The following ITPRID2 variants were observed in gnomAD, a reference collection of about 807,000 sequenced individuals.
ITPRID2 encodes the protein protein ITPRID2.
ITPRID2 carries 60 observed loss-of-function variants against 124.3 expected under a neutral mutation model. The observed-to-expected ratio is 0.48, with a 90% confidence interval of 0.39 to 0.60. The LOEUF (loss-of-function observed/expected upper bound fraction) is 0.60, where lower values mean the gene tolerates loss of function less well. Ranked by LOEUF, ITPRID2 falls within the 20% of genes least tolerant of loss-of-function variation. ITPRID2 has a pLI of 0.00. For missense variants in ITPRID2, 1,553 were observed against 1,512.2 expected (o/e 1.03, Z -0.45); for synonymous variants, 521 against 542.9 (o/e 0.96, Z 0.56).
intron 11 of ITPRID2, chr2:181,918,245 G>A (rs1694225529): frequency 9.1e-6 from 9 of 985,378 alleles, no homozygotes; most frequent in Non-Finnish European, 1.1e-5. Flanking sequence ...CTCCAGCAAA[G>A]TTAATAATCA....
chr2:181,916,291 C>T lies in ITPRID2; in HGVS notation c.2651C>T (p.Pro884Leu), dbSNP rs1006854138. The T allele has an allele frequency of 8.7e-6, 14 of 1,614,088 alleles. No homozygotes were observed. Among genetic ancestry groups the T allele is most frequent in the Admixed American group, 1.7e-5 (1 of 60,002 alleles). Residue 884 changes from proline to leucine, a missense_variant, in exon 11 of 18, where the codon CCT (proline) becomes CTT (leucine). Pro to Leu is a moderately conservative substitution (Grantham distance 98). Coordinates refer to ENST00000431877, the MANE Select transcript of ITPRID2 (RefSeq NM_001130445.3). ...SGATCSAFAS[P>L]FGCPYSHRHA... ...GCTACTTGTAGTGCCTTCGCTTCCC[C>T]TTTCGGGTGTCCTTACTCACATAGA...
In ITPRID2 at chr2:181,891,893, C is replaced by T. The variant is rs1220207782; in HGVS notation, c.-174C>T. The T allele has an allele frequency of 5.2e-6, 2 of 382,608 alleles. No homozygotes were observed. Among genetic ancestry groups the T allele is most frequent in the South Asian group, 2.3e-5 (1 of 43,652 alleles). 23.7% of individuals were successfully genotyped at this position (382,608 alleles called of 1,614,324 possible). ...GCCGGCCCTCCGCCCCTTCCCTCCC[C>T]TTCCTTCCCTCCCTCCCTCCCTGTC... On this transcript the variant is annotated 5_prime_UTR_variant, in exon 1 of 18. Coordinates refer to ENST00000431877, the MANE Select transcript of ITPRID2 (RefSeq NM_001130445.3).
intron 2 of ITPRID2, chr2:181,893,519 C>T (rs1232879317): frequency 6.6e-6 from 1 of 152,038 alleles, no homozygotes; most frequent in Non-Finnish European, 1.5e-5. Context: ...CAGTTTGCCT[C>T]CTCTAAAGAC....
chr2:181,922,026 C>T lies in ITPRID2; in HGVS notation c.3289C>T (p.Pro1097Ser). The change falls in exon 16 of 18, where the codon CCT (proline) becomes TCT (serine). Residue 1097 changes from proline to serine, a missense_variant. Transcript: ENST00000431877. ...LGLGEMGFEIPPGESSESVFS... is the reference protein window; with the variant it reads ...LGLGEMGFEISPGESSESVFS... ...ACTTGGAGAAATGGGATTTGAAATT[C>T]CTCCTGGAGAAAGCTCAGAATCTGT... 1 of 1,614,170 alleles carries T rather than the reference C, an allele frequency of 6.2e-7. No homozygotes were observed. The highest frequency in any genetic ancestry group is 1.1e-5 in the South Asian group (1 of 91,076).
rs552164860 is a variant in ITPRID2, at chr2:181,891,896, C to T, written c.-171C>T. 1 of 362,426 alleles carries T rather than the reference C, an allele frequency of 2.8e-6. No individual in the cohort carries two copies. The highest frequency in any genetic ancestry group is 2.3e-5 in the African/African-American group (1 of 43,746). 22.5% of individuals were successfully genotyped at this position (362,426 alleles called of 1,614,324 possible). A position where few individuals can be genotyped will look rare whatever the true frequency, so the allele number is the denominator to read the frequency against. On this transcript the variant is annotated 5_prime_UTR_variant, in exon 1 of 18. Coordinates refer to ENST00000431877, the MANE Select transcript of ITPRID2 (RefSeq NM_001130445.3). ...GGCCCTCCGCCCCTTCCCTCCCCTTCCTTCCCTCCCTCCCTCCCTGTCCCC... is the reference window on the plus strand; with the variant it reads ...GGCCCTCCGCCCCTTCCCTCCCCTTTCTTCCCTCCCTCCCTCCCTGTCCCC...
chr2:181,913,012 T>G (rs773845189), intron 9 of ITPRID2, among the ~76,000 whole-genome samples: 9 of 152,198 alleles, frequency 5.9e-5, no homozygotes, highest in Non-Finnish European at 1.0e-4. Context: ...ACCAGAGACA[T>G]TTAAGTATGC....
At position 181,923,615 on chromosome 2, in the gene ITPRID2, T is replaced by A. The variant is rs1430091945; in HGVS notation, c.3675+1203T>A. Among the ~76,000 whole-genome samples, 10 of 152,306 alleles carry A rather than the reference T, an allele frequency of 6.6e-5. No homozygotes were observed. In the South Asian group the frequency reaches 1.9e-3, roughly 28 times the overall value. On this transcript the variant is annotated intron_variant, in intron 16 of 17. Transcript: ENST00000431877. ...TTTATATCAAAGATTAGTTTTTGAG[T>A]GAAATTATGTAATTATTCTTCTCCA...
At chr2:181,904,032 A>G (rs1295894078) in intron 8 of ITPRID2, among the ~76,000 whole-genome samples, 2 of 152,226 alleles carry the variant, frequency 1.3e-5, no homozygotes, top group Admixed American at 6.5e-5. Flanking sequence ...AACAACACTC[A>G]TATTTTCAAG....
chr2:181,906,289 G>A (rs185434545), intron 8 of ITPRID2, among the ~76,000 whole-genome samples: 35 of 152,282 alleles, frequency 2.3e-4, no homozygotes, highest in African/African-American at 8.4e-4. Flanking sequence ...TTCACAGGGG[G>A]AAGGAGCACA....
chr2:181,915,105 A>T, intron 10 of ITPRID2, 111 bp from the exon 11 acceptor site: 1 of 1,283,886 alleles, frequency 7.8e-7, no homozygotes, highest in Non-Finnish European at 1.1e-6. Flanking sequence ...CAGCAGGGCC[A>T]CAACTGCAGT....
intron 16 of ITPRID2, 45 bp from the exon 17 acceptor site, chr2:181,928,115 TC>T: frequency 7.9e-7 from 1 of 1,263,730 alleles, no homozygotes; most frequent in African/African-American, 1.5e-5. Flanking sequence ...AAAAATGAAT[TC>T]CATTCATATT....
At chr2:181,923,446 G>C (rs1052969692) in intron 16 of ITPRID2, among the ~76,000 whole-genome samples, 3 of 151,978 alleles carry the variant, frequency 2.0e-5, no homozygotes, top group Non-Finnish European at 2.9e-5. Flanking sequence ...ATGTTTAAAA[G>C]GTCTTAATTC....
At position 181,891,841 on chromosome 2, in the gene ITPRID2, G is replaced by GC. The variant is rs112503689; in HGVS notation, c.-225dup. ...TCCCTCGGGCCACTAGCGCTCCCGC[G>GC]CGCGCCCGGCCGCCTTCATGTGAAG... On this transcript the variant is annotated 5_prime_UTR_variant, in exon 1 of 18. Transcript: ENST00000431877. 283,187 of 283,200 alleles carry GC rather than the reference G, an allele frequency of 1. 141,589 individuals carry two copies. The highest frequency in any genetic ancestry group is 1 in the Middle Eastern group (824 of 824). 17.5% of individuals were successfully genotyped at this position (283,200 alleles called of 1,614,324 possible).
Position 181,910,531 on chromosome 2 carries a change from GCAACAA to G in ITPRID2, c.1486+573_1486+578del, listed in dbSNP as rs780786298. ...AATCCATCCCTTTCACTTTTAACTT[GCAACAA>G]CAACAACAACAAAAATGTGTGATCT... On this transcript the variant is annotated intron_variant, in intron 9 of 17. Coordinates refer to ENST00000431877, the MANE Select transcript of ITPRID2 (RefSeq NM_001130445.3). The surrounding 1 kb of genome is among the most constrained non-coding windows in gnomAD (Gnocchi z 4.1). 1.4e-5 allele frequency: 9 copies of G among 654,372 alleles called. No homozygotes were observed. The highest frequency in any genetic ancestry group is 2.7e-5 in the Admixed American group (1 of 36,392). The allele number at this position is 654,372 out of a possible 1,614,324, so 40.5% of individuals were successfully genotyped here.
Position 181,913,888 on chromosome 2 carries a change from T to A in ITPRID2, c.1530T>A (p.Gly510=), listed in dbSNP as rs761513383. Residue 510 remains glycine (G), a synonymous_variant, in exon 10 of 18, where the codon GGT becomes GGA. Transcript: ENST00000431877. ...RTASQHSDSS[G]FAEDSTDCLS... ...CAAGTCAGCATTCCGATAGCAGTGG[T>A]TTTGCTGAAGATTCTACAGACTGCC... 2 of 1,613,394 alleles carry A rather than the reference T, an allele frequency of 1.2e-6. No individual in the cohort carries two copies. Among genetic ancestry groups the A allele is most frequent in the East Asian group, 4.5e-5 (2 of 44,778 alleles).
At chr2:181,924,859 T>A (rs1694733636) in intron 16 of ITPRID2, among the ~76,000 whole-genome samples, 1 of 152,228 alleles carries the variant, frequency 6.6e-6, no homozygotes, top group Admixed American at 6.5e-5. Flanking sequence ...GTACACACTG[T>A]CTTAAAATTT....
In ITPRID2 at chr2:181,929,975, CCAATGAT is replaced by C. The variant is rs1044335723; in HGVS notation, c.*429_*435del. 1 of 165,106 alleles carries C rather than the reference CCAATGAT, an allele frequency of 6.1e-6. No individual in the cohort carries two copies. Among genetic ancestry groups the C allele is most frequent in the African/African-American group, 2.4e-5 (1 of 42,036 alleles). The allele number at this position is 165,106 out of a possible 1,614,324, so 10.2% of individuals were successfully genotyped here. A position where few individuals can be genotyped will look rare whatever the true frequency, so the allele number is the denominator to read the frequency against. The stretch of plus-strand genomic sequence containing the variant: ...TCATTTTTTTCAGAGCTTGAAGCAT[CCAATGAT>C]TTTTCCCTCCACTGCTGTTAATTAA... On this transcript the variant is annotated 3_prime_UTR_variant, in exon 18 of 18. Coordinates refer to ENST00000431877, the MANE Select transcript of ITPRID2 (RefSeq NM_001130445.3).
chr2:181,916,090 C>T lies in ITPRID2; in HGVS notation c.2450C>T (p.Ala817Val), dbSNP rs16867510. The change falls in exon 11 of 18, where the codon GCG (alanine) becomes GTG (valine). Residue 817 changes from alanine (A) to valine (V), a missense_variant. Ala to Val is a moderately conservative substitution (Grantham distance 64, BLOSUM62 0). Transcript: ENST00000431877. ...AAAGAAGAAGCCCCCCAGAGTGAGG[C>T]GCCGCGGGTGGAGGAATGCCATCAT... ...VKKEEAPQSE[A>V]PRVEECHHGR... 5.4e-3 allele frequency: 8,764 copies of T among 1,614,130 alleles called. 354 individuals carry two copies. The African/African-American group carries it at 0.099, about 18-fold the overall frequency.
Position 181,921,090 on chromosome 2 carries a change from G to A in ITPRID2, c.3210+428G>A, listed in dbSNP as rs149747351. 7.6e-4 allele frequency among the ~76,000 whole-genome samples: 115 copies of A among 152,142 alleles called. 1 individual carries two copies. In the East Asian group the frequency reaches 0.017, roughly 23 times the overall value. ...TCCCAGTTACTCAGGAGGCTGAGGCGGGAGGATTGCTTGAGGCCAGGAGCT... is the reference window on the plus strand; with the variant it reads ...TCCCAGTTACTCAGGAGGCTGAGGCAGGAGGATTGCTTGAGGCCAGGAGCT... On this transcript the variant is annotated intron_variant, in intron 15 of 17. Transcript: ENST00000431877.
Sources: gnomAD v4.1 joint callset for allele counts (sites outside exome capture counted in the v4.1 genomes callset) on GRCh38, gnomAD v4.1.1 for gene constraint, Gnocchi (gnomAD v3.1) non-coding constraint, MANE v1.5 for transcripts, NCBI Gene and HGNC (gene_info 2026-07-23, HGNC 2026-07-21) for gene names.